The following ANXA13 variants were observed in gnomAD, a reference collection of about 807,000 sequenced individuals.
ANXA13 encodes the protein annexin XIII.
Under a neutral mutation model 46.6 loss-of-function variants are expected in ANXA13, and 36 were observed. The ratio of observed to expected loss-of-function variants is 0.77; its 90% CI spans 0.59 to 1.02. The LOEUF (loss-of-function observed/expected upper bound fraction) is 1.02. ANXA13 is among the 50% of genes least tolerant of loss of function. The probability of loss-of-function intolerance (pLI) is 0.00; values close to 1 mark genes in which losing one functional copy is unlikely to be tolerated. For missense variants in ANXA13, 417 were observed against 396.5 expected, an observed-to-expected ratio of 1.05 and a Z score of -0.44; for synonymous variants, 163 against 152.9, an observed-to-expected ratio of 1.07 and a Z score of -0.49.
intron 3 of ANXA13, among the ~76,000 whole-genome samples, chr8:123,699,225 G>T (rs1813400128): frequency 6.6e-6 from 1 of 152,140 alleles, no homozygotes; most frequent in African/African-American, 2.4e-5. Context: ...TGTCACCCAG[G>T]CTGGAGTGCA....
intron 1 of ANXA13, chr8:123,728,227 T>C (rs928043817): frequency 2.0e-5 from 3 of 152,212 alleles, no homozygotes; most frequent in Admixed American, 6.5e-5. Context: ...AATGACTGTC[T>C]GCTTTGAGGT....
intron 1 of ANXA13, among the ~76,000 whole-genome samples, chr8:123,733,331 T>G (rs1814164009): frequency 7.2e-5 from 11 of 152,318 alleles, no homozygotes; most frequent in Admixed American, 6.5e-4. Flanking sequence ...ATGCACACCC[T>G]TGGTTAAGAC....
chr8:123,695,710 G>A lies in ANXA13; in HGVS notation c.369C>T (p.Ala123=). Residue 123 remains alanine, a synonymous_variant, in exon 5 of 11, where the codon GCC becomes GCT. Transcript: ENST00000419625. Reference sequence around the variant, plus strand: ...TACGCCTTTGGTAGGCCTCTTTAATGGCGATGATTTCCTAGGGAAGGTAAT... The same window carrying A: ...TACGCCTTTGGTAGGCCTCTTTAATAGCGATGATTTCCTAGGGAAGGTAAT... The part of the protein sequence containing the change: ...LCTRTNKEII[A]IKEAYQRLFD... 6 of 1,613,400 alleles carry A rather than the reference G, an allele frequency of 3.7e-6. No individual in the cohort carries two copies. In the Middle Eastern group the frequency reaches 5.0e-4, roughly 133 times the overall value.
At chr8:123,723,864 A>G (rs1212790497) in intron 1 of ANXA13, among the ~76,000 whole-genome samples, 1 of 152,180 alleles carries the variant, frequency 6.6e-6, no homozygotes, top group Non-Finnish European at 1.5e-5. Context: ...ACCTAGCACA[A>G]TGCTTGACAC....
At chr8:123,736,673 G>C (rs544238122) in intron 1 of ANXA13, among the ~76,000 whole-genome samples, 2 of 152,184 alleles carry the variant, frequency 1.3e-5, no homozygotes, top group South Asian at 4.1e-4. Flanking sequence ...CTTAGTTTAT[G>C]AAGTTTTATA....
chr8:123,731,224 G>A (rs1391486693), intron 1 of ANXA13, among the ~76,000 whole-genome samples: 1 of 152,156 alleles, frequency 6.6e-6, no homozygotes, highest in Non-Finnish European at 1.5e-5. Flanking sequence ...GGGCCTGGGA[G>A]ACCTCATTTG....
intron 2 of ANXA13, among the ~76,000 whole-genome samples, chr8:123,705,993 C>T (rs1442994794): frequency 1.3e-5 from 2 of 152,196 alleles, no homozygotes; most frequent in Non-Finnish European, 2.9e-5. Flanking sequence ...CCTTTGGGTC[C>T]TTGAACCGTT....
rs545802641 is a variant in ANXA13 at position 123,695,208 on chromosome 8, T to C, written c.471+294A>G. 3.3e-5 allele frequency among the ~76,000 whole-genome samples: 5 copies of C among 151,914 alleles called. No homozygotes were observed. In the South Asian group the frequency reaches 6.3e-4, roughly 19 times the overall value. On this transcript the variant is annotated intron_variant, in intron 6 of 10. Coordinates refer to ENST00000419625, the MANE Select transcript of ANXA13 (RefSeq NM_004306.4). ...CCTGGGCAGGTTACCCACCCTCTCA[T>C]GGCCTACATTTCCTCACTGGCAAAA...
intron 4 of ANXA13, among the ~76,000 whole-genome samples, 185 bp from the exon 5 acceptor site, chr8:123,695,906 G>GCCCCC (rs369319261): frequency 1.4e-4 from 13 of 91,124 alleles, no homozygotes; most frequent in Admixed American, 2.4e-4. Flanking sequence ...GTGACGGCCC[G>GCCCCC]CCCCCCCCCC....
chr8:123,736,801 C>T (rs2129965048), intron 1 of ANXA13, among the ~76,000 whole-genome samples: 1 of 150,742 alleles, frequency 6.6e-6, no homozygotes, highest in African/African-American at 2.4e-5. Context: ...TCTTTAGCCC[C>T]TCTTAAGAGA....
intron 4 of ANXA13, among the ~76,000 whole-genome samples, chr8:123,696,564 C>G (rs1022417353): frequency 6.6e-6 from 1 of 152,138 alleles, no homozygotes; most frequent in Non-Finnish European, 1.5e-5. Context: ...CCCCACCCCC[C>G]CCACCACCAA....
chr8:123,706,001 G>T lies in ANXA13; in HGVS notation c.92-3265C>A, dbSNP rs546816539. Among the ~76,000 whole-genome samples the T allele has an allele frequency of 1.6e-3, 240 of 152,308 alleles. 1 individual carries two copies. Among genetic ancestry groups the T allele is most frequent in the Middle Eastern group, 3.4e-3 (1 of 294 alleles). On this transcript the variant is annotated intron_variant, in intron 2 of 10. Transcript: ENST00000419625. ...TTCCAAACCTTTGGGTCCTTGAACC[G>T]TTCACTTAACCTCAAAGAGTATTTT... is the stretch of plus-strand genomic sequence containing the variant.
chr8:123,694,216 A>G (rs1270868061), intron 6 of ANXA13, among the ~76,000 whole-genome samples: 3 of 152,188 alleles, frequency 2.0e-5, no homozygotes, highest in Non-Finnish European at 4.4e-5. Flanking sequence ...AATGGTCCAC[A>G]TCCTTGTATA....
intron 1 of ANXA13, among the ~76,000 whole-genome samples, chr8:123,732,158 T>C (rs1337704566): frequency 6.6e-6 from 1 of 152,202 alleles, no homozygotes; most frequent in East Asian, 1.9e-4. Context: ...AATCCAAATC[T>C]GTGCTTGACC....
In ANXA13 at chr8:123,702,682, C is replaced by G; in HGVS notation, c.146G>C (p.Arg49Thr). Residue 49 changes from arginine to threonine, a missense_variant, in exon 3 of 11, where the codon AGG becomes ACG. Physicochemically the swap from Arg to Thr is moderately conservative, Grantham distance 71 (BLOSUM62 -1). Coordinates refer to ENST00000419625, the MANE Select transcript of ANXA13 (RefSeq NM_004306.4). ...EILSGRTSDERQQIKQKYKAT... is the reference protein window; with the variant it reads ...EILSGRTSDETQQIKQKYKAT... ...CTTGTACTTTTGCTTGATTTGTTGC[C>G]TCTCATCTGATGTCCTGCCCGATAA... is the stretch of plus-strand genomic sequence containing the variant. The G allele has an allele frequency of 6.2e-7, 1 of 1,614,116 alleles. No individual in the cohort carries two copies. The highest frequency in any genetic ancestry group is 8.5e-7 in the Non-Finnish European group (1 of 1,180,014).
intron 3 of ANXA13, among the ~76,000 whole-genome samples, chr8:123,701,534 A>T (rs1431938771): frequency 1.3e-5 from 2 of 152,218 alleles, no homozygotes; most frequent in African/African-American, 4.8e-5. Context: ...GCATTCAATT[A>T]AATGCAGTTG....
chr8:123,687,455 G>C (rs1000768793), intron 9 of ANXA13, among the ~76,000 whole-genome samples: 2 of 152,086 alleles, frequency 1.3e-5, no homozygotes, highest in African/African-American at 4.8e-5. Flanking sequence ...GCAACCTCCG[G>C]CATAAATGGC....
At chr8:123,720,781 C>T (rs997741663) in intron 1 of ANXA13, among the ~76,000 whole-genome samples, 1 of 151,784 alleles carries the variant, frequency 6.6e-6, no homozygotes, top group African/African-American at 2.4e-5. Context: ...GAGGGACTCA[C>T]TATGTTGCCC....
intron 1 of ANXA13, chr8:123,728,130 T>C (rs1271214812): frequency 6.6e-6 from 1 of 152,106 alleles, no homozygotes; most frequent in African/African-American, 2.4e-5. Flanking sequence ...GGCCCTTGAG[T>C]GCTGTGTTGG....
Sources: allele counts gnomAD v4.1 joint callset (sites outside exome capture counted in the v4.1 genomes callset), GRCh38; gene constraint gnomAD v4.1.1; transcripts MANE v1.5; gene names NCBI Gene and HGNC (gene_info 2026-07-23, HGNC 2026-07-21).